CTNND2: variants seen among roughly 807,000 people sequenced by gnomAD.
CTNND2 encodes the protein catenin delta-2.
A neutral mutation model predicts 144.4 loss-of-function variants in CTNND2; 22 were observed. The observed-to-expected ratio is 0.15, with a 90% CI of 0.11 to 0.22. The LOEUF (loss-of-function observed/expected upper bound fraction) is 0.22. CTNND2 is among the 10% of genes least tolerant of loss of function. The probability of loss-of-function intolerance (pLI) is 1.00; values close to 1 mark genes in which losing one functional copy is unlikely to be tolerated. For missense variants in CTNND2, 1,353 were observed against 1,618.8 expected, an observed-to-expected ratio of 0.84 and a Z score of 2.82; for synonymous variants, 751 against 695.6, an observed-to-expected ratio of 1.08 and a Z score of -1.25.
chr5:11,449,258 C>T (rs1004146702), intron 3 of CTNND2, among the ~76,000 whole-genome samples: 15 of 152,096 alleles, frequency 9.9e-5, no homozygotes, highest in African/African-American at 2.7e-4. Context: ...GAGAAACCTA[C>T]GCTTTTGTCT....
chr5:11,877,796 A>C (rs1241736278), intron 1 of CTNND2, among the ~76,000 whole-genome samples: 1 of 152,154 alleles, frequency 6.6e-6, no homozygotes, highest in Non-Finnish European at 1.5e-5. Flanking sequence ...AAGACTATCA[A>C]AATCTGAAGG....
chr5:11,394,186 A>G (rs1438202736), intron 6 of CTNND2, among the ~76,000 whole-genome samples: 2 of 152,180 alleles, frequency 1.3e-5, no homozygotes, highest in Admixed American at 1.3e-4. Flanking sequence ...ATCACTTTCT[A>G]ATGTACTGTG....
At chr5:11,590,324 T>C (rs1779152468) in intron 2 of CTNND2, among the ~76,000 whole-genome samples, 1 of 152,156 alleles carries the variant, frequency 6.6e-6, no homozygotes, top group African/African-American at 2.4e-5. Context: ...ATTACAGGTG[T>C]GAGCCACCAG....
At position 11,080,573 on chromosome 5, in the gene CTNND2, T is replaced by A. The variant is rs140910110; in HGVS notation, c.2788+2123A>T. 3.3e-3 allele frequency among the ~76,000 whole-genome samples: 502 copies of A among 152,296 alleles called. 2 individuals are homozygous for A. The highest frequency in any genetic ancestry group is 0.01 in the South Asian group (50 of 4,828). Reference sequence around the variant, plus strand: ...CAATAGTTAATGTATAGAAGCAATCTAAGTGTCCATCAATGGATAAATGAA... The same window carrying A: ...CAATAGTTAATGTATAGAAGCAATCAAAGTGTCCATCAATGGATAAATGAA... On this transcript the variant is annotated intron_variant, in intron 16 of 21. Transcript: ENST00000304623.
intron 2 of CTNND2, among the ~76,000 whole-genome samples, chr5:11,607,555 G>T (rs969249858): frequency 6.6e-6 from 1 of 152,094 alleles, no homozygotes; most frequent in African/African-American, 2.4e-5. Context: ...TCTTTCATTA[G>T]ATGATCTTAA....
intron 1 of CTNND2, among the ~76,000 whole-genome samples, chr5:11,786,998 T>A (rs1002416633): frequency 2.0e-5 from 3 of 152,202 alleles, no homozygotes; most frequent in Non-Finnish European, 4.4e-5. Context: ...TAAGGTCACA[T>A]CTCATCAGCA....
chr5:11,788,892 T>C (rs1298336909), intron 1 of CTNND2, among the ~76,000 whole-genome samples: 4 of 146,264 alleles, frequency 2.7e-5, no homozygotes, highest in Admixed American at 1.4e-4. Context: ...AGTGTTCTCA[T>C]TGTTCAATTC....
intron 1 of CTNND2, among the ~76,000 whole-genome samples, chr5:11,861,574 G>C (rs1795506889): frequency 6.6e-6 from 1 of 152,098 alleles, no homozygotes; most frequent in Non-Finnish European, 1.5e-5. Context: ...GTCATCTTTT[G>C]TTCAGGCCCT....
chr5:11,548,833 T>C (rs1169085082), intron 3 of CTNND2, among the ~76,000 whole-genome samples: 2 of 152,228 alleles, frequency 1.3e-5, no homozygotes, highest in Admixed American at 6.5e-5. Context: ...GTGGAGTTTA[T>C]TTCTTTATTA....
At chr5:11,292,279 G>C in intron 9 of CTNND2, among the ~76,000 whole-genome samples, 1 of 152,058 alleles carries the variant, frequency 6.6e-6, no homozygotes, top group South Asian at 2.1e-4. Flanking sequence ...TTTGGACACA[G>C]GGCCGTAGTA....
chr5:11,699,543 A>G (rs1374918977), intron 2 of CTNND2, among the ~76,000 whole-genome samples: 1 of 152,164 alleles, frequency 6.6e-6, no homozygotes, highest in Non-Finnish European at 1.5e-5. Context: ...CAAATTTTCA[A>G]CATTTAAGTG....
intron 3 of CTNND2, among the ~76,000 whole-genome samples, chr5:11,484,107 C>A (rs1768566295): frequency 6.6e-6 from 1 of 152,218 alleles, no homozygotes; most frequent in Non-Finnish European, 1.5e-5. Flanking sequence ...CTAATGGCCA[C>A]TCCACATTGC....
At chr5:11,792,367 T>C (rs1201781268) in intron 1 of CTNND2, among the ~76,000 whole-genome samples, 3 of 152,214 alleles carry the variant, frequency 2.0e-5, no homozygotes, top group African/African-American at 7.2e-5. Context: ...TCATTAATGA[T>C]TGTTAGCATA....
Position 11,376,077 on chromosome 5 carries a change from A to G in CTNND2, c.1177+8588T>C, listed in dbSNP as rs1473701602. The stretch of plus-strand genomic sequence containing the variant: ...GGTGAGGACACAGCAAGAAGGGGCC[A>G]TCGATGAGCCGAAAAGTGGACCCTC... On this transcript the variant is annotated intron_variant, in intron 7 of 21. Coordinates refer to ENST00000304623, the MANE Select transcript of CTNND2 (RefSeq NM_001332.4). Among the ~76,000 whole-genome samples, 3 of 152,138 alleles carry G rather than the reference A, an allele frequency of 2.0e-5. No homozygotes were observed. The East Asian group carries it at 5.8e-4, about 29-fold the overall frequency.
chr5:11,076,008 G>A (rs939619068), intron 16 of CTNND2, among the ~76,000 whole-genome samples: 7 of 152,172 alleles, frequency 4.6e-5, no homozygotes, highest in African/African-American at 1.7e-4. Context: ...ACTACATACC[G>A]AGTTCTTGTT....
chr5:11,069,988 A>C (rs1748074129), intron 16 of CTNND2, among the ~76,000 whole-genome samples: 1 of 152,160 alleles, frequency 6.6e-6, no homozygotes, highest in African/African-American at 2.4e-5. Flanking sequence ...AGATGAAATG[A>C]GGTGCTTTTT....
intron 11 of CTNND2, among the ~76,000 whole-genome samples, chr5:11,173,548 C>T (rs147654120): frequency 6.6e-6 from 1 of 152,290 alleles, no homozygotes; most frequent in Non-Finnish European, 1.5e-5. Context: ...TCAGAGGCCA[C>T]TATAAGAAGT....
At position 11,384,279 on chromosome 5, in the gene CTNND2, T is replaced by C. The variant is rs891526211; in HGVS notation, c.1177+386A>G. Among the ~76,000 whole-genome samples the C allele has an allele frequency of 2.0e-5, 3 of 152,200 alleles. No individual in the cohort carries two copies. The highest frequency in any genetic ancestry group is 4.4e-5 in the Non-Finnish European group (3 of 68,034). ...ACAATGAAATGTAGACAACTAAAGG[T>C]GACCCTGTCAATACTGCAACTGTTA... On this transcript the variant is annotated intron_variant, in intron 7 of 21. Transcript: ENST00000304623. This position sits in a 1 kb window ranked among gnomAD's most constrained non-coding sequence, Gnocchi z 5.2.
chr5:11,794,001 G>A (rs1454409317), intron 1 of CTNND2, among the ~76,000 whole-genome samples: 1 of 152,232 alleles, frequency 6.6e-6, no homozygotes, highest in Non-Finnish European at 1.5e-5. Context: ...ACTGTATGGT[G>A]TAAAGCGTGT....
Sources: gnomAD v4.1 joint callset for allele counts (sites outside exome capture counted in the v4.1 genomes callset) on GRCh38, gnomAD v4.1.1 for gene constraint, Gnocchi (gnomAD v3.1) non-coding constraint, MANE v1.5 for transcripts, NCBI Gene and HGNC (gene_info 2026-07-23, HGNC 2026-07-21) for gene names.